Variants in TTC21B observed in about 807,000 individuals in gnomAD.
TTC21B encodes tetratricopeptide repeat protein 21B.
In TTC21B, 127 loss-of-function variants were observed where a neutral mutation model predicts 175.1. The observed-to-expected ratio is 0.73, with a 90% CI of 0.63 to 0.84. TTC21B has a LOEUF of 0.84. Ranked by LOEUF, TTC21B falls within the 40% of genes least tolerant of loss-of-function variation. The pLI is 0.00. For synonymous variants in TTC21B, 524 were observed against 524.5 expected (o/e 1.00, Z 0.01); for missense variants, 1,561 against 1,558.3 (o/e 1.00, Z -0.03).
intron 24 of TTC21B, 52 bp downstream of exon 24, chr2:165,890,424 TTTA>T: frequency 2.6e-6 from 4 of 1,554,950 alleles, no homozygotes; most frequent in Non-Finnish European, 3.5e-6. Flanking sequence ...AGTATCCCTG[TTTA>T]TTATCTCCAA....
chr2:165,936,900 G>C (rs890231607), intron 6 of TTC21B, among the ~76,000 whole-genome samples: 3 of 151,912 alleles, frequency 2.0e-5, no homozygotes, highest in African/African-American at 4.8e-5. Flanking sequence ...CAGTTTCTTA[G>C]AAAACTAAAT....
chr2:165,888,497 C>A, intron 24 of TTC21B, 23 bp from the exon 25 acceptor site: 1 of 1,558,912 alleles, frequency 6.4e-7, no homozygotes, highest in South Asian at 1.1e-5. Context: ...AAAAATAAAT[C>A]ACTTCTGTCT....
At chr2:165,886,253 G>T (rs1273280545) in intron 25 of TTC21B, among the ~76,000 whole-genome samples, 1 of 152,028 alleles carries the variant, frequency 6.6e-6, no homozygotes, top group East Asian at 1.9e-4. Context: ...TTACAAAAGG[G>T]TCTCCCAACT....
chr2:165,920,153 G>A (rs1036521928), intron 12 of TTC21B, among the ~76,000 whole-genome samples: 7 of 152,128 alleles, frequency 4.6e-5, no homozygotes, highest in Admixed American at 3.9e-4. Flanking sequence ...AACCCGCACT[G>A]ATCTGCACTT....
At chr2:165,938,188 T>C (rs1687231220) in intron 6 of TTC21B, among the ~76,000 whole-genome samples, 1 of 151,860 alleles carries the variant, frequency 6.6e-6, no homozygotes. Context: ...TGAAGGATGC[T>C]AAGGAATTCT....
intron 12 of TTC21B, 145 bp from the exon 13 acceptor site, chr2:165,919,578 T>C: frequency 4.8e-6 from 4 of 834,536 alleles, no homozygotes; most frequent in Non-Finnish European, 7.7e-6. Context: ...ATGGTTTAAT[T>C]CCATCTGCAC....
In TTC21B at chr2:165,943,317, C is replaced by G; in HGVS notation, c.454G>C (p.Asp152His). 1 of 1,610,034 alleles carries G rather than the reference C, an allele frequency of 6.2e-7. No homozygotes were observed. The highest frequency in any genetic ancestry group is 8.5e-7 in the Non-Finnish European group (1 of 1,176,604). ...KQGHVLKAWL[D>H]ITRGKEPYTK... ...TAAGGCTCTTTTCCTCTTGTAATAT[C>G]AAGCCATGCTTTCAAAACGTGTCCC... The change falls in exon 5 of 29, where the codon GAT becomes CAT. Residue 152 changes from aspartate (D) to histidine (H), a missense_variant. Physicochemically the swap from Asp to His is moderately conservative, Grantham distance 81 (BLOSUM62 -1). Transcript: ENST00000243344.
intron 6 of TTC21B, chr2:165,934,758 C>T (rs1687064838): frequency 6.7e-6 from 1 of 149,008 alleles, no homozygotes; most frequent in African/African-American, 2.5e-5. Flanking sequence ...AAAATACACG[C>T]ACTGAAAATG....
At chr2:165,929,054 A>C (rs2105342727) in intron 11 of TTC21B, 81 bp downstream of exon 11, 1 of 1,225,926 alleles carries the variant, frequency 8.2e-7, no homozygotes, top group East Asian at 2.4e-5. Flanking sequence ...ATATAGTCTA[A>C]TGCATCAAAG....
chr2:165,945,962 T>C (rs2105366182), intron 3 of TTC21B, among the ~76,000 whole-genome samples: 1 of 152,300 alleles, frequency 6.6e-6, no homozygotes, highest in Non-Finnish European at 1.5e-5. Context: ...ATTAATGAGA[T>C]ATTTTGCATG....
At chr2:165,933,519 C>CA (rs768551747) in intron 6 of TTC21B, among the ~76,000 whole-genome samples, 2 of 151,918 alleles carry the variant, frequency 1.3e-5, no homozygotes, top group Non-Finnish European at 2.9e-5. Context: ...ATAAATGGAA[C>CA]AAAAACCAAA....
At chr2:165,894,213 T>A (rs1424865561) in intron 22 of TTC21B, among the ~76,000 whole-genome samples, 1 of 151,876 alleles carries the variant, frequency 6.6e-6, no homozygotes, top group East Asian at 1.9e-4. Flanking sequence ...AACCAATTAG[T>A]ATGAAGGAAG....
In TTC21B at chr2:165,917,441, GAC is replaced by G; in HGVS notation, c.1713_1714del (p.Gln571HisfsTer13). The G allele has an allele frequency of 6.2e-7, 1 of 1,613,856 alleles. No homozygotes were observed. Among genetic ancestry groups the G allele is most frequent in the Non-Finnish European group, 8.5e-7 (1 of 1,179,948 alleles). The stretch of plus-strand genomic sequence containing the variant: ...TGCTATTTCTCCCATTTTCTTTTGT[GAC>G]TGAGCTTTTATCAAATGGTATAAAG... On this transcript the variant is annotated frameshift_variant, in exon 14 of 29. Coordinates refer to ENST00000243344, the MANE Select transcript of TTC21B (RefSeq NM_024753.5). LOFTEE classifies it high-confidence loss of function.
chr2:165,903,847 T>G (rs1036147), intron 19 of TTC21B, among the ~76,000 whole-genome samples: 27,511 of 152,072 alleles, frequency 0.18, 2,686 homozygotes, highest in East Asian at 0.34. Flanking sequence ...TCAAAAACTT[T>G]GACTCCACTT....
rs1460138207 is a variant in TTC21B at position 165,953,758 on chromosome 2, A to G, written c.-53T>C. Reference sequence around the variant, plus strand: ...TCTGGGGATTGTCTCGCCGCAGCCTAAAGGAAGACGCAGAATTCAGCTCCC... The same window carrying G: ...TCTGGGGATTGTCTCGCCGCAGCCTGAAGGAAGACGCAGAATTCAGCTCCC... On this transcript the variant is annotated 5_prime_UTR_variant, in exon 1 of 29. Coordinates refer to ENST00000243344, the MANE Select transcript of TTC21B (RefSeq NM_024753.5). 1.9e-6 allele frequency: 3 copies of G among 1,546,472 alleles called. No homozygotes were observed. The East Asian group carries it at 7.4e-5, about 38-fold the overall frequency.
At chr2:165,917,615 C>A (rs1686225797) in intron 13 of TTC21B, 134 bp from the exon 14 acceptor site, 2 of 762,540 alleles carry the variant, frequency 2.6e-6, no homozygotes, top group Middle Eastern at 3.6e-4. Flanking sequence ...TCTATCTCTG[C>A]CCTCTTATTA....
chr2:165,900,598 T>C (rs1251947913), intron 20 of TTC21B, among the ~76,000 whole-genome samples: 1 of 152,194 alleles, frequency 6.6e-6, no homozygotes, highest in Admixed American at 6.5e-5. Flanking sequence ...CTGTGCTATA[T>C]GAGGTCATAG....
chr2:165,883,909 G>C lies in TTC21B; in HGVS notation c.3569C>G (p.Ala1190Gly). The C allele has an allele frequency of 6.2e-7, 1 of 1,614,068 alleles. No individual in the cohort carries two copies. The highest frequency in any genetic ancestry group is 8.5e-7 in the Non-Finnish European group (1 of 1,179,976). ...CTTCTCAAACTCTTCAGCATCAATAGCATTCCAATTCATTTTCGCAATACG... is the reference window on the plus strand; with the variant it reads ...CTTCTCAAACTCTTCAGCATCAATACCATTCCAATTCATTTTCGCAATACG... ...LKRIAKMNWN[A>G]IDAEEFEKSW... is the part of the protein sequence containing the mutation. The change falls in exon 26 of 29, where the codon GCT (alanine) becomes GGT (glycine). Residue 1190 changes from alanine to glycine, a missense_variant. Transcript: ENST00000243344.
chr2:165,888,651 GCA>G (rs1217550643), intron 24 of TTC21B, among the ~76,000 whole-genome samples, 177 bp from the exon 25 acceptor site: 3 of 152,116 alleles, frequency 2.0e-5, no homozygotes, highest in Admixed American at 1.3e-4. Flanking sequence ...ACAAAGTGAA[GCA>G]CAGTTACAAT....
Sources: gnomAD v4.1 joint callset for allele counts (sites outside exome capture counted in the v4.1 genomes callset) on GRCh38, gnomAD v4.1.1 for gene constraint, MANE v1.5 for transcripts, NCBI Gene and HGNC (gene_info 2026-07-23, HGNC 2026-07-21) for gene names.